Variants in FILIP1 observed in about 807,000 individuals in gnomAD.
FILIP1 encodes filamin-A-interacting protein 1.
FILIP1 carries 61 observed loss-of-function variants against 102.1 expected under a neutral mutation model. That is an observed-to-expected ratio of 0.60 (90% CI 0.49 to 0.74). The LOEUF (loss-of-function observed/expected upper bound fraction) is 0.74. FILIP1 is among the 30% of genes least tolerant of loss of function. The probability of loss-of-function intolerance (pLI) is 0.00; values close to 1 mark genes in which losing one functional copy is unlikely to be tolerated. For synonymous variants in FILIP1, 491 were observed against 526.9 expected (o/e 0.93, Z 0.93); for missense variants, 1,314 against 1,441.2 (o/e 0.91, Z 1.43).
chr6:75,379,827 C>T (rs747575412), intron 2 of FILIP1, among the ~76,000 whole-genome samples: 1 of 152,178 alleles, frequency 6.6e-6, no homozygotes, highest in Non-Finnish European at 1.5e-5. Flanking sequence ...TCCTGATCTC[C>T]TATTTAAAAC....
intron 1 of FILIP1, among the ~76,000 whole-genome samples, chr6:75,430,241 G>C (rs1015226766): frequency 6.6e-6 from 1 of 152,098 alleles, no homozygotes; most frequent in African/African-American, 2.4e-5. Flanking sequence ...GGCCTCCCCA[G>C]ACATGCAGAA....
intron 2 of FILIP1, among the ~76,000 whole-genome samples, chr6:75,404,273 C>T (rs1031077962): frequency 6.6e-6 from 1 of 152,134 alleles, no homozygotes; most frequent in Admixed American, 6.6e-5. Flanking sequence ...ACTGCCGTAC[C>T]AGAAACCCTA....
At chr6:75,342,011 T>C (rs981420047) in intron 4 of FILIP1, among the ~76,000 whole-genome samples, 9 of 152,232 alleles carry the variant, frequency 5.9e-5, no homozygotes, top group Admixed American at 2.0e-4. Context: ...CATAAAATGC[T>C]ATGAGATAGG....
intron 4 of FILIP1, among the ~76,000 whole-genome samples, chr6:75,317,158 A>G (rs1410713261): frequency 2.0e-5 from 3 of 152,196 alleles, no homozygotes; most frequent in African/African-American, 7.2e-5. Context: ...TAACTGTGTA[A>G]TCTCTGGCCA....
intron 2 of FILIP1, among the ~76,000 whole-genome samples, chr6:75,376,821 G>A (rs1046263123): frequency 6.6e-6 from 1 of 152,132 alleles, no homozygotes; most frequent in Non-Finnish European, 1.5e-5. Flanking sequence ...GTGTCAGCTT[G>A]TGCCACCCTC....
chr6:75,372,435 G>T (rs13216212), intron 2 of FILIP1, among the ~76,000 whole-genome samples: 1 of 139,576 alleles, frequency 7.2e-6, no homozygotes, highest in African/African-American at 2.7e-5. Flanking sequence ...TGGCAAAAAA[G>T]AAAAAAAAAT....
At chr6:75,366,148 T>G (rs1023308901) in intron 2 of FILIP1, 1 of 152,216 alleles carries the variant, frequency 6.6e-6, no homozygotes, top group Non-Finnish European at 1.5e-5. Flanking sequence ...TAATATTTAT[T>G]ATGATTTAGT....
rs577757870 is a variant in FILIP1 at position 75,404,891 on chromosome 6, T to C, written c.276+9806A>G. Reference sequence around the variant, plus strand: ...GTCATCAAAAATTCTTTCTCTTTTCTACATCCTTGACTCTGCTTTTTTCTT... The same window carrying C: ...GTCATCAAAAATTCTTTCTCTTTTCCACATCCTTGACTCTGCTTTTTTCTT... On this transcript the variant is annotated intron_variant, in intron 2 of 5. Transcript: ENST00000237172. Among the ~76,000 whole-genome samples the C allele has an allele frequency of 5.3e-5, 8 of 152,350 alleles. No homozygotes were observed. The East Asian group carries it at 1.5e-3, about 29-fold the overall frequency.
intron 2 of FILIP1, among the ~76,000 whole-genome samples, chr6:75,388,543 T>G (rs1387290616): frequency 6.6e-6 from 1 of 152,210 alleles, no homozygotes; most frequent in Admixed American, 6.5e-5. Flanking sequence ...GTTTGTGTCC[T>G]CTCTTATTTC....
intron 2 of FILIP1, among the ~76,000 whole-genome samples, chr6:75,384,041 A>G (rs1263843302): frequency 2.6e-5 from 4 of 152,198 alleles, no homozygotes; most frequent in South Asian, 2.1e-4. Flanking sequence ...TCATTTCACC[A>G]TAACTGTTAT....
At chr6:75,339,374 A>G (rs1280681686) in intron 4 of FILIP1, among the ~76,000 whole-genome samples, 1 of 152,236 alleles carries the variant, frequency 6.6e-6, no homozygotes, top group African/African-American at 2.4e-5. Context: ...CATAAACTGA[A>G]TCACAATCTA....
chr6:75,440,805 C>T (rs142618570), intron 1 of FILIP1, among the ~76,000 whole-genome samples: 20 of 152,106 alleles, frequency 1.3e-4, no homozygotes, highest in African/African-American at 4.3e-4. Context: ...CAAAATTAGC[C>T]GGGCGTGGTG....
intron 1 of FILIP1, among the ~76,000 whole-genome samples, chr6:75,449,977 A>G (rs1778568535): frequency 6.6e-6 from 1 of 152,152 alleles, no homozygotes; most frequent in Admixed American, 6.5e-5. Context: ...TCTGTCACCC[A>G]GACTGGAGTG....
chr6:75,411,095 A>T (rs534742756), intron 2 of FILIP1, among the ~76,000 whole-genome samples: 4 of 152,178 alleles, frequency 2.6e-5, no homozygotes, highest in African/African-American at 9.6e-5. Flanking sequence ...GTTTCCTGGC[A>T]TTTTAATGAT....
intron 2 of FILIP1, among the ~76,000 whole-genome samples, chr6:75,372,699 A>AAGAAAG (rs1554204891): frequency 3.5e-5 from 2 of 57,920 alleles, no homozygotes; most frequent in South Asian, 6.2e-4. Context: ...AAGAAAGAGA[A>AAGAAAG]AGAAAGAAAG....
At chr6:75,412,720 T>C (rs559716130) in intron 2 of FILIP1, among the ~76,000 whole-genome samples, 4 of 152,304 alleles carry the variant, frequency 2.6e-5, no homozygotes, top group African/African-American at 9.6e-5. Flanking sequence ...AAATCTAACA[T>C]AGCTAAATCT....
At chr6:75,379,424 CAGAGAG>C (rs768290230) in intron 2 of FILIP1, among the ~76,000 whole-genome samples, 7 of 151,992 alleles carry the variant, frequency 4.6e-5, no homozygotes, top group Non-Finnish European at 8.8e-5. Flanking sequence ...CAGAAAAAGA[CAGAGAG>C]AGAGAGGTCT....
At chr6:75,323,989 C>A (rs1007803654) in intron 4 of FILIP1, among the ~76,000 whole-genome samples, 1 of 152,260 alleles carries the variant, frequency 6.6e-6, no homozygotes, top group South Asian at 2.1e-4. Context: ...TTCCTGAGGC[C>A]TCCCCAGGCC....
Position 75,442,333 on chromosome 6 carries a change from C to T in FILIP1, c.-6-27355G>A, listed in dbSNP as rs553921138. On this transcript the variant is annotated intron_variant, in intron 1 of 5. Coordinates refer to ENST00000237172, the MANE Select transcript of FILIP1 (RefSeq NM_015687.5). Reference sequence around the variant, plus strand: ...GATGGATGGCCAGGCAGAGACGCTCCTCACTTCCCAGACGGGGTGGCGGCC... The same window carrying T: ...GATGGATGGCCAGGCAGAGACGCTCTTCACTTCCCAGACGGGGTGGCGGCC... Among the ~76,000 whole-genome samples the T allele has an allele frequency of 7.2e-5, 11 of 152,254 alleles. No individual in the cohort carries two copies. The East Asian group carries it at 1.9e-3, about 27-fold the overall frequency.
Sources: gnomAD v4.1 joint callset for allele counts (sites outside exome capture counted in the v4.1 genomes callset) on GRCh38, gnomAD v4.1.1 for gene constraint, MANE v1.5 for transcripts, NCBI Gene and HGNC (gene_info 2026-07-23, HGNC 2026-07-21) for gene names.